FAM131B: variants seen among roughly 807,000 people sequenced by gnomAD.
The protein encoded by FAM131B is family with sequence similarity 131 member B, also known as protein FAM131B.
A neutral mutation model predicts 42.0 loss-of-function variants in FAM131B; 19 were observed. That is an observed-to-expected ratio of 0.45 (90% CI 0.32 to 0.66). The LOEUF is 0.66. Among genes scored for constraint, FAM131B ranks in the 30% least tolerant of loss-of-function variants. The probability of loss-of-function intolerance (pLI) is 0.05; values close to 1 mark genes in which losing one functional copy is unlikely to be tolerated. For synonymous variants in FAM131B, 183 were observed against 177.6 expected (o/e 1.03, Z -0.24); for missense variants, 370 against 468.4 (o/e 0.79, Z 1.94).
the FAM131B span, among the ~76,000 whole-genome samples, chr7:143,373,098 CTT>C: frequency 6.6e-6 from 1 of 151,372 alleles, no homozygotes; most frequent in East Asian, 2.0e-4. Flanking sequence ...TATTTTTACT[CTT>C]GGCCAGGCAC....
upstream of FAM131B, among the ~76,000 whole-genome samples, chr7:143,365,368 T>C (rs577311154): frequency 5.3e-5 from 8 of 152,312 alleles, no homozygotes; most frequent in South Asian, 2.1e-4. Flanking sequence ...AGATCATTTA[T>C]TGAGAGTCAG....
chr7:143,357,247 G>A (rs774616948), intron 6 of FAM131B, 33 bp downstream of exon 6: 2 of 1,609,922 alleles, frequency 1.2e-6, no homozygotes, highest in East Asian at 2.2e-5. Context: ...GGCCTCATAG[G>A]CTCCAGAGTT....
At chr7:143,371,629 AAAAAAAAG>A in the FAM131B span, among the ~76,000 whole-genome samples, 1 of 151,532 alleles carries the variant, frequency 6.6e-6, no homozygotes, top group East Asian at 1.9e-4. Flanking sequence ...AAAAAAAAAA[AAAAAAAAG>A]AAAAGAAAAA....
At chr7:143,373,121 G>A in the FAM131B span, among the ~76,000 whole-genome samples, 13 of 151,850 alleles carry the variant, frequency 8.6e-5, no homozygotes, top group Admixed American at 3.3e-4. Flanking sequence ...CGTGGCTCAC[G>A]TCTGTAATGT....
chr7:143,380,887 C>A, the FAM131B span: 2 of 681,812 alleles, frequency 2.9e-6, no homozygotes, highest in Non-Finnish European at 3.6e-6. This position sits in a 1 kb window ranked among gnomAD's most constrained non-coding sequence, Gnocchi z 5.0. Context: ...AACGGCAGGC[C>A]CGAGAGGAGG....
At chr7:143,376,620 T>G in the FAM131B span, among the ~76,000 whole-genome samples, 1 of 152,304 alleles carries the variant, frequency 6.6e-6, no homozygotes, top group East Asian at 1.9e-4. Flanking sequence ...TGCTGTGTGC[T>G]TCACCCAGAC....
rs1323836900 is a variant in FAM131B, at chr7:143,353,752, C to T, written c.*2798G>A. 1 of 152,302 alleles carries T rather than the reference C, an allele frequency of 6.6e-6. No individual in the cohort carries two copies. The highest frequency in any genetic ancestry group is 2.1e-4 in the South Asian group (1 of 4,828). The allele number at this position is 152,302 out of a possible 1,614,324, so 9.4% of individuals were successfully genotyped here. On this transcript the variant is annotated 3_prime_UTR_variant, in exon 7 of 7. Coordinates refer to ENST00000443739, the MANE Select transcript of FAM131B (RefSeq NM_001031690.3). ...GATAATAAACTCATTCCCCAAGATA[C>T]CCTCTTCAACACAAGGACAAGAAGG...
At chr7:143,369,662 G>A in the FAM131B span, among the ~76,000 whole-genome samples, 7 of 115,466 alleles carry the variant, frequency 6.1e-5, no homozygotes, top group Admixed American at 1.0e-4. Flanking sequence ...GCGACAGAGC[G>A]AGAATCCGTC....
At position 143,357,392 on chromosome 7, in the gene FAM131B, G is replaced by A. The variant is rs572266423; in HGVS notation, c.498C>T (p.Ala166=). Residue 166 remains alanine (A), a synonymous_variant, in exon 6 of 7, where the codon GCC becomes GCT. Transcript: ENST00000443739. ...CCATGGAAGACCAGGCCATGAGTGT[G>A]GCCTCAGAGATAGCAAACTGCTCCA... ...GVMEQFAISE[A]TLMAWSSMDG... 18 of 1,611,652 alleles carry A rather than the reference G, an allele frequency of 1.1e-5. No homozygotes were observed. In the Admixed American group the frequency reaches 3.0e-4, roughly 27 times the overall value.
chr7:143,362,644 G>T lies in FAM131B; in HGVS notation c.-41C>A. 8.4e-7 allele frequency: 1 copy of T among 1,184,332 alleles called. No individual in the cohort carries two copies. Among genetic ancestry groups the T allele is most frequent in the Non-Finnish European group, 1.0e-6 (1 of 953,502 alleles). 73.4% of individuals were successfully genotyped at this position (1,184,332 alleles called of 1,614,324 possible). ...AGAGCCGGGCCCTCACCGACTCGGG[G>T]CGCGCGCCGGGGGGAGCACCGGGAG... is the stretch of plus-strand genomic sequence containing the variant. On this transcript the variant is annotated 5_prime_UTR_variant, in exon 1 of 7. Coordinates refer to ENST00000443739, the MANE Select transcript of FAM131B (RefSeq NM_001031690.3). The surrounding 1 kb of genome is among the most constrained non-coding windows in gnomAD (Gnocchi z 7.7).
the FAM131B span, chr7:143,380,488 C>A: frequency 3.0e-6 from 3 of 985,434 alleles, no homozygotes; most frequent in Non-Finnish European, 2.4e-6. This position sits in a 1 kb window ranked among gnomAD's most constrained non-coding sequence, Gnocchi z 5.0. Context: ...CCGTAAAAGA[C>A]GAGCAGCCCG....
At chr7:143,366,691 G>T (rs2116502442), upstream of FAM131B, among the ~76,000 whole-genome samples, 1 of 151,726 alleles carries the variant, frequency 6.6e-6, no homozygotes, top group South Asian at 2.1e-4. Flanking sequence ...TAGAGTAGCT[G>T]GGACTACAGG....
At chr7:143,373,181 C>T in the FAM131B span, among the ~76,000 whole-genome samples, 1 of 151,656 alleles carries the variant, frequency 6.6e-6, no homozygotes, top group African/African-American at 2.4e-5. Flanking sequence ...TCAGGAGTGC[C>T]AGACCAGCCT....
Position 143,358,734 on chromosome 7 carries a change from G to T in FAM131B, c.466+93C>A. 1 of 933,074 alleles carries T rather than the reference G, an allele frequency of 1.1e-6. No homozygotes were observed. Among genetic ancestry groups the T allele is most frequent in the Non-Finnish European group, 1.7e-6 (1 of 592,340 alleles). 57.8% of individuals were successfully genotyped at this position (933,074 alleles called of 1,614,324 possible). ...AATGTGAATCTACGGTCAAAGTATG[G>T]ATGGAGCTAATCCTGCCACAGGGGA... is the stretch of plus-strand genomic sequence containing the variant. On this transcript the variant is annotated intron_variant, in intron 5 of 6. Transcript: ENST00000443739. This position sits in a 1 kb window ranked among gnomAD's most constrained non-coding sequence, Gnocchi z 4.7.
chr7:143,357,567 C>T (rs1803729001), intron 5 of FAM131B, 144 bp from the exon 6 acceptor site: 1 of 495,726 alleles, frequency 2.0e-6, no homozygotes, highest in African/African-American at 2.0e-5. Flanking sequence ...CCAGTAGCCA[C>T]ATTTAAAATT....
chr7:143,375,336 G>C, the FAM131B span, among the ~76,000 whole-genome samples: 3 of 152,174 alleles, frequency 2.0e-5, no homozygotes, highest in South Asian at 2.1e-4. Context: ...TGGCACGACT[G>C]TCTTCTGGTA....
At chr7:143,357,200 A>T (rs1803705325) in intron 6 of FAM131B, 80 bp downstream of exon 6, 2 of 1,456,120 alleles carry the variant, frequency 1.4e-6, no homozygotes, top group Admixed American at 1.8e-5. Flanking sequence ...GTCTTAAAAG[A>T]ACGGAGCTGA....
At chr7:143,381,251 T>C in the FAM131B span, 4 of 1,030,060 alleles carry the variant, frequency 3.9e-6, no homozygotes, top group East Asian at 9.0e-5. Flanking sequence ...TTGTATGGTC[T>C]GGGCGCCGCT....
At chr7:143,382,142 G>T in the FAM131B span, 3 of 966,632 alleles carry the variant, frequency 3.1e-6, no homozygotes, top group African/African-American at 3.3e-5. Flanking sequence ...CACGCTCTGG[G>T]ACCCCTGAGA....
Sources: gnomAD v4.1 joint callset for allele counts (sites outside exome capture counted in the v4.1 genomes callset) on GRCh38, gnomAD v4.1.1 for gene constraint, Gnocchi (gnomAD v3.1) non-coding constraint, MANE v1.5 for transcripts, NCBI Gene and HGNC (gene_info 2026-07-23, HGNC 2026-07-21) for gene names.